Variants in BTBD3 observed in about 807,000 individuals in gnomAD.
BTBD3 encodes the protein BTB domain containing 3, also known as BTB/POZ domain-containing protein 3.
A neutral mutation model predicts 41.6 loss-of-function variants in BTBD3; 14 were observed. The ratio of observed to expected loss-of-function variants is 0.34; its 90% CI spans 0.22 to 0.53. BTBD3 has a LOEUF of 0.53. Among genes scored for constraint, BTBD3 ranks in the 20% least tolerant of loss-of-function variants. The pLI is 0.95. For synonymous variants in BTBD3, 249 were observed against 233.7 expected (o/e 1.07, Z -0.60); for missense variants, 426 against 654.7 (o/e 0.65, Z 3.81).
intron 1 of BTBD3, 145 bp downstream of exon 1, chr20:11,918,746 C>G: frequency 1.1e-6 from 1 of 915,700 alleles, no homozygotes; most frequent in Non-Finnish European, 1.6e-6. Flanking sequence ...TGCCTTGTAT[C>G]TTTTCCAAAA....
intron 1 of BTBD3, 174 bp downstream of exon 1, chr20:11,918,775 C>T (rs573244330): frequency 4.1e-6 from 3 of 725,412 alleles, no homozygotes; most frequent in Admixed American, 7.1e-5. Context: ...CTGTTTTCCT[C>T]TTAGATAAAA....
At chr20:11,890,850 C>T in exon 1 of BTBD3, 2 of 985,224 alleles carry the variant, frequency 2.0e-6, no homozygotes, top group Non-Finnish European at 1.2e-6. Flanking sequence ...CCCGCCGAGC[C>T]CGCCGGGCGC....
rs1258484528 is a variant in BTBD3, at chr20:11,919,182, C to A, written c.417+6C>A. On this transcript the variant is annotated splice_donor_region_variant and intron_variant, in intron 2 of 3. Transcript: ENST00000378226. ...AACGGTTGCCAGGACACAAAGTAAGCAACAGCTGCATGACCGGTTTAGTCC... is the reference window on the plus strand; with the variant it reads ...AACGGTTGCCAGGACACAAAGTAAGAAACAGCTGCATGACCGGTTTAGTCC... 1 of 1,612,072 alleles carries A rather than the reference C, an allele frequency of 6.2e-7. No individual in the cohort carries two copies. Among genetic ancestry groups the A allele is most frequent in the Admixed American group, 1.7e-5 (1 of 59,924 alleles).
intron 2 of BTBD3, chr20:11,919,510 C>CTTTAAGAG: frequency 8.3e-7 from 1 of 1,209,324 alleles, no homozygotes; most frequent in Non-Finnish European, 1.1e-6. Flanking sequence ...GGGACATGTG[C>CTTTAAGAG]ATTAATCTCT....
chr20:11,918,455 G>A lies in BTBD3; in HGVS notation c.180G>A (p.Lys60=). The change falls in exon 1 of 4, where the codon AAG becomes AAA. Residue 60 remains lysine (K), a synonymous_variant. Transcript: ENST00000378226. ...TAATTACCTTGAAGACTAAAAAGAA[G>A]AAGATGGCTGCTGATATATTCCCCC... is the stretch of plus-strand genomic sequence containing the variant. The part of the protein sequence containing the change: ...YEIITLKTKK[K]KMAADIFPRK... The A allele has an allele frequency of 6.2e-7, 1 of 1,614,130 alleles. No individual in the cohort carries two copies. The highest frequency in any genetic ancestry group is 8.5e-7 in the Non-Finnish European group (1 of 1,180,014).
intron 1 of BTBD3, among the ~76,000 whole-genome samples, chr20:11,901,185 A>T (rs887106538): frequency 4.6e-5 from 7 of 152,226 alleles, no homozygotes; most frequent in African/African-American, 1.7e-4. Context: ...CTCAGGATGC[A>T]GGTTCAGGCT....
rs115995727 is a variant in BTBD3 at position 11,894,350 on chromosome 20, T to C, written c.-126+3396T>C. ...GAGGTGAACTCTTTTATGACTCTTG[T>C]GGCTTGTTGCCAAATTGCTTATGCC... is the stretch of plus-strand genomic sequence containing the variant. On this transcript the variant is annotated intron_variant, in intron 1 of 4. Transcript: ENST00000254977. Among the ~76,000 whole-genome samples, 450 of 152,372 alleles carry C rather than the reference T, an allele frequency of 3.0e-3. 3 individuals are homozygous for C. Among genetic ancestry groups the C allele is most frequent in the African/African-American group, 9.6e-3 (400 of 41,590 alleles).
chr20:11,901,125 T>C (rs1358647987), intron 1 of BTBD3, among the ~76,000 whole-genome samples: 10 of 152,194 alleles, frequency 6.6e-5, no homozygotes, highest in Non-Finnish European at 8.8e-5. Context: ...CCCAAAATCT[T>C]ATTTTCAATA....
rs1181761835 is a variant in BTBD3 at position 11,925,647 on chromosome 20, T to TA, written c.*1984dup. 6.6e-6 allele frequency: 1 copy of TA among 152,670 alleles called. No homozygotes were observed. Among genetic ancestry groups the TA allele is most frequent in the African/African-American group, 2.4e-5 (1 of 41,466 alleles). 9.5% of individuals were successfully genotyped at this position (152,670 alleles called of 1,614,324 possible). On this transcript the variant is annotated 3_prime_UTR_variant, in exon 4 of 4. Coordinates refer to ENST00000378226, the MANE Select transcript of BTBD3 (RefSeq NM_014962.4). ...ACACTTCTACAAAAGATTTGGTTTTTAAATTATGGTTACACATTTCAGTAA... is the reference window on the plus strand; with the variant it reads ...ACACTTCTACAAAAGATTTGGTTTTTAAAATTATGGTTACACATTTCAGTAA...
chr20:11,899,836 G>GA (rs565026227), intron 1 of BTBD3, among the ~76,000 whole-genome samples: 103 of 151,418 alleles, frequency 6.8e-4, no homozygotes, highest in Non-Finnish European at 1.2e-3. Flanking sequence ...TGATTTGCAA[G>GA]AAAAAAAAGA....
intron 1 of BTBD3, among the ~76,000 whole-genome samples, chr20:11,899,688 T>G (rs1231837496): frequency 6.6e-6 from 1 of 152,206 alleles, no homozygotes; most frequent in African/African-American, 2.4e-5. Context: ...TTGCTTATTG[T>G]GTTTCTAGGC....
chr20:11,913,099 G>A (rs992335631), upstream of BTBD3, among the ~76,000 whole-genome samples: 37 of 152,290 alleles, frequency 2.4e-4, no homozygotes, highest in African/African-American at 8.4e-4. Context: ...AATCATTTTT[G>A]GAAGTGATAG....
upstream of BTBD3, among the ~76,000 whole-genome samples, chr20:11,917,248 T>G (rs1055573604): frequency 6.6e-6 from 1 of 152,204 alleles, no homozygotes; most frequent in Non-Finnish European, 1.5e-5. Context: ...AGAGTTTATC[T>G]TATGCTTTAG....
intron 1 of BTBD3, among the ~76,000 whole-genome samples, chr20:11,894,213 C>T (rs2056772845): frequency 6.6e-6 from 1 of 152,204 alleles, no homozygotes; most frequent in African/African-American, 2.4e-5. Flanking sequence ...GACGTAGGCT[C>T]AGTACGTAAG....
chr20:11,902,402 T>C (rs2122204778), intron 1 of BTBD3, among the ~76,000 whole-genome samples: 2 of 152,332 alleles, frequency 1.3e-5, no homozygotes, highest in Middle Eastern at 3.4e-3. Context: ...TTTTTTCTTG[T>C]AGTGTCTTTT....
rs1335582930 is a variant in BTBD3, at chr20:11,926,144, A to C, written c.*2478A>C. 6.6e-6 allele frequency: 1 copy of C among 152,648 alleles called. No homozygotes were observed. The highest frequency in any genetic ancestry group is 1.5e-5 in the Non-Finnish European group (1 of 68,038). 9.5% of individuals were successfully genotyped at this position (152,648 alleles called of 1,614,324 possible). A position where few individuals can be genotyped will look rare whatever the true frequency, so the allele number is the denominator to read the frequency against. On this transcript the variant is annotated 3_prime_UTR_variant, in exon 4 of 4. Coordinates refer to ENST00000378226, the MANE Select transcript of BTBD3 (RefSeq NM_014962.4). ...AAAACTAGAAACCATTGTTCTAACA[A>C]AGCAGGCAACTTTATTCTATAAACA...
chr20:11,896,075 A>G (rs2056785048), intron 1 of BTBD3, among the ~76,000 whole-genome samples: 1 of 152,212 alleles, frequency 6.6e-6, no homozygotes, highest in African/African-American at 2.4e-5. Flanking sequence ...GGCTCGGAAG[A>G]TGAATCCTTA....
chr20:11,916,539 A>C (rs1212231808), upstream of BTBD3, among the ~76,000 whole-genome samples: 2 of 152,204 alleles, frequency 1.3e-5, no homozygotes, highest in East Asian at 3.8e-4. Flanking sequence ...AGGCTTTGCA[A>C]ATGGTTTTAA....
chr20:11,918,624 T>C (rs2056939022), intron 1 of BTBD3, 23 bp downstream of exon 1: 1 of 1,544,338 alleles, frequency 6.5e-7, no homozygotes, highest in Admixed American at 2.2e-5. Context: ...CTAGTCTATT[T>C]ACTTTAAAAG....
Sources: gnomAD v4.1 joint callset for allele counts (sites outside exome capture counted in the v4.1 genomes callset) on GRCh38, gnomAD v4.1.1 for gene constraint, MANE v1.5 for transcripts, NCBI Gene and HGNC (gene_info 2026-07-23, HGNC 2026-07-21) for gene names.